The following TMEM9B variants were observed in gnomAD, a reference collection of about 807,000 sequenced individuals.
The protein encoded by TMEM9B is transmembrane protein 9B.
A neutral mutation model predicts 23.5 loss-of-function variants in TMEM9B; 8 were observed. The observed-to-expected ratio is 0.34, with a 90% CI of 0.20 to 0.61. The LOEUF is 0.61. TMEM9B is among the 20% of genes least tolerant of loss of function. TMEM9B has a pLI of 0.78. For missense variants in TMEM9B, 197 were observed against 252.3 expected (o/e 0.78, Z 1.49); for synonymous variants, 106 against 96.3 (o/e 1.10, Z -0.59).
Position 8,957,746 on chromosome 11 carries a change from A to G in TMEM9B, c.198-1448T>C, listed in dbSNP as rs933276713. Among the ~76,000 whole-genome samples the G allele has an allele frequency of 2.0e-5, 3 of 152,348 alleles. No homozygotes were observed. The highest frequency in any genetic ancestry group is 7.2e-5 in the African/African-American group (3 of 41,572). On this transcript the variant is annotated intron_variant, in intron 2 of 4. Transcript: ENST00000534025. The surrounding 1 kb of genome is among the most constrained non-coding windows in gnomAD (Gnocchi z 4.3). Reference sequence around the variant, plus strand: ...AGAAGGAGGATTTTGAATATTTTCAACACAAAGAAATGATAAATGTCTGAG... The same window carrying G: ...AGAAGGAGGATTTTGAATATTTTCAGCACAAAGAAATGATAAATGTCTGAG...
upstream of TMEM9B, chr11:8,964,905 C>T (rs758431884): frequency 6.5e-6 from 1 of 152,842 alleles, no homozygotes. Flanking sequence ...GCCCACGCGC[C>T]TCCTGACCAC....
At chr11:8,950,139 G>GAAA (rs1363799591) in intron 4 of TMEM9B, among the ~76,000 whole-genome samples, 1 of 139,778 alleles carries the variant, frequency 7.2e-6, no homozygotes, top group Admixed American at 7.2e-5. Context: ...AGCTAAAAAA[G>GAAA]AAAAAAAAAA....
In TMEM9B at chr11:8,948,253, A is replaced by T; in HGVS notation, c.*67T>A. The T allele has an allele frequency of 6.5e-7, 1 of 1,536,590 alleles. No individual in the cohort carries two copies. Among genetic ancestry groups the T allele is most frequent in the Non-Finnish European group, 8.8e-7 (1 of 1,139,000 alleles). ...ACAAGGTATTAAAATGAAACCCAGC[A>T]AAACCCAGTCAGTTCTTTCCAGTTG... On this transcript the variant is annotated 3_prime_UTR_variant, in exon 5 of 5. Coordinates refer to ENST00000534025, the MANE Select transcript of TMEM9B (RefSeq NM_020644.3).
At chr11:8,954,504 G>A (rs1432097613) in intron 3 of TMEM9B, among the ~76,000 whole-genome samples, 1 of 152,020 alleles carries the variant, frequency 6.6e-6, no homozygotes, top group Non-Finnish European at 1.5e-5. Flanking sequence ...GGACAGGCTG[G>A]TCTCGAACTC....
At chr11:8,962,286 A>T in intron 1 of TMEM9B, 103 bp from the exon 2 acceptor site, 1 of 680,862 alleles carries the variant, frequency 1.5e-6, no homozygotes, top group Non-Finnish European at 2.4e-6. Flanking sequence ...TTAGAATACC[A>T]AGTATTCTAA....
intron 3 of TMEM9B, among the ~76,000 whole-genome samples, chr11:8,955,960 A>G (rs1853966974): frequency 6.6e-6 from 1 of 152,210 alleles, no homozygotes; most frequent in Non-Finnish European, 1.5e-5. Flanking sequence ...AAGCTGGGAT[A>G]TCTTTCTGGA....
At chr11:8,950,135 AAAAG>A (rs1853848212) in intron 4 of TMEM9B, among the ~76,000 whole-genome samples, 1 of 151,454 alleles carries the variant, frequency 6.6e-6, no homozygotes, top group Admixed American at 6.6e-5. Flanking sequence ...AAAAAGCTAA[AAAAG>A]AAAAAAAAAA....
At chr11:8,962,831 G>A (rs2742486) in intron 1 of TMEM9B, 90,274 of 152,128 alleles carry the variant, frequency 0.59, 27,179 homozygotes, top group East Asian at 0.77. Flanking sequence ...TTCAAGAGGT[G>A]GAGGAACAGG....
intron 2 of TMEM9B, among the ~76,000 whole-genome samples, chr11:8,961,074 AG>A (rs368493099): frequency 0.038 from 5,797 of 152,298 alleles, 138 homozygotes; most frequent in Non-Finnish European, 0.059. Flanking sequence ...CACCACTTAC[AG>A]TGGAACATAG....
chr11:8,961,066 C>G (rs980430360), intron 2 of TMEM9B, among the ~76,000 whole-genome samples: 1 of 141,024 alleles, frequency 7.1e-6, no homozygotes, highest in East Asian at 1.9e-4. Context: ...TAATATGACA[C>G]CACTTACAGT....
rs139914672 is a variant in TMEM9B at position 8,948,157 on chromosome 11, T to G, written c.*163A>C. Reference sequence around the variant, plus strand: ...TTTAAAAATGTCTCTATTATTACGTTAACAAGAAAAAAAAATCAAGCAAGT... The same window carrying G: ...TTTAAAAATGTCTCTATTATTACGTGAACAAGAAAAAAAAATCAAGCAAGT... On this transcript the variant is annotated 3_prime_UTR_variant, in exon 5 of 5. Coordinates refer to ENST00000534025, the MANE Select transcript of TMEM9B (RefSeq NM_020644.3). 24 of 823,128 alleles carry G rather than the reference T, an allele frequency of 2.9e-5. No homozygotes were observed. In the African/African-American group the frequency reaches 3.8e-4, roughly 13 times the overall value. The allele number at this position is 823,128 out of a possible 1,614,324, so 51.0% of individuals were successfully genotyped here.
chr11:8,949,947 G>A (rs1383631080), intron 4 of TMEM9B, among the ~76,000 whole-genome samples: 1 of 151,162 alleles, frequency 6.6e-6, no homozygotes, highest in African/African-American at 2.4e-5. Context: ...GAAGGCAGGG[G>A]CTATTCACAG....
At chr11:8,953,119 A>G (rs1189848236) in intron 4 of TMEM9B, 84 bp downstream of exon 4, 2 of 1,538,212 alleles carry the variant, frequency 1.3e-6, no homozygotes, top group Admixed American at 1.7e-5. Flanking sequence ...GTGAACATCT[A>G]TATATGACTA....
Position 8,964,264 on chromosome 11 carries a change from A to C in TMEM9B, c.50T>G (p.Leu17Arg). ...GLLRLGSLLS[L>R]SCLALSVLLL... The stretch of plus-strand genomic sequence containing the variant: ...CAGCACGGAAAGCGCCAGGCACGAC[A>C]GGCTGAGCAAGGAGCCAAGCCGAAG... The change falls in exon 1 of 5, where the codon CTG (leucine) becomes CGG (arginine). Residue 17 changes from leucine to arginine, a missense_variant. Physicochemically the swap from Leu to Arg is moderately radical, Grantham distance 102. This residue lies in a region of TMEM9B where 56 missense variants were observed against 38.2 expected (regional missense o/e 1.46). Coordinates refer to ENST00000534025, the MANE Select transcript of TMEM9B (RefSeq NM_020644.3). The C allele has an allele frequency of 6.3e-7, 1 of 1,596,426 alleles. No homozygotes were observed. Among genetic ancestry groups the C allele is most frequent in the Non-Finnish European group, 8.5e-7 (1 of 1,172,436 alleles).
At chr11:8,958,934 T>C (rs1854024620) in intron 2 of TMEM9B, among the ~76,000 whole-genome samples, 1 of 152,192 alleles carries the variant, frequency 6.6e-6, no homozygotes, top group South Asian at 2.1e-4. Flanking sequence ...AAATTTCCAC[T>C]GATGGTATTT....
At chr11:8,955,014 G>A (rs1853948054) in intron 3 of TMEM9B, among the ~76,000 whole-genome samples, 1 of 152,044 alleles carries the variant, frequency 6.6e-6, no homozygotes, top group Non-Finnish European at 1.5e-5. Flanking sequence ...AGCTGGGCGT[G>A]GTGGTGCATG....
chr11:8,953,370 G>T (rs1853918038), intron 3 of TMEM9B, 33 bp from the exon 4 acceptor site: 1 of 1,606,666 alleles, frequency 6.2e-7, no homozygotes, highest in African/African-American at 1.3e-5. Flanking sequence ...TTACATCTTT[G>T]TTCAAGCCCA....
At chr11:8,958,372 G>A (rs1854011651) in intron 2 of TMEM9B, among the ~76,000 whole-genome samples, 1 of 150,518 alleles carries the variant, frequency 6.6e-6, no homozygotes, top group South Asian at 2.1e-4. Context: ...TGAGGCAGGA[G>A]AATCACTTGA....
At chr11:8,953,117 C>G (rs1566122192) in intron 4 of TMEM9B, 86 bp downstream of exon 4, 3 of 1,530,734 alleles carry the variant, frequency 2.0e-6, no homozygotes, top group Non-Finnish European at 2.7e-6. Flanking sequence ...ACGTGAACAT[C>G]TATATATGAC....
Sources: allele counts gnomAD v4.1 joint callset (sites outside exome capture counted in the v4.1 genomes callset), GRCh38; gene constraint gnomAD v4.1.1; regional missense constraint gnomAD v4.1.1; non-coding constraint Gnocchi (gnomAD v3.1); transcripts MANE v1.5; gene names NCBI Gene and HGNC (gene_info 2026-07-23, HGNC 2026-07-21).